Variants in SOX1 observed in about 807,000 individuals in gnomAD.
The protein encoded by SOX1 is SRY-box transcription factor 1.
In SOX1, 1 loss-of-function variant was observed where a neutral mutation model predicts 0.9. The observed-to-expected ratio is 1.07, with a 90% CI of 0.38 to 5.06. SOX1 has a LOEUF of 5.06. Ranked by LOEUF, SOX1 falls within the 30% of genes most tolerant of loss-of-function variation. The pLI, the probability that SOX1 is intolerant of heterozygous loss-of-function variation, is 0.16. For synonymous variants in SOX1, 397 were observed against 265.5 expected, an observed-to-expected ratio of 1.50 and a Z score of -4.81; for missense variants, 564 against 534.4, an observed-to-expected ratio of 1.06 and a Z score of -0.55.
Position 112,068,875 on chromosome 13 carries a change from AG to A in SOX1, c.*42del. The A allele has an allele frequency of 8.4e-7, 1 of 1,194,244 alleles. No individual in the cohort carries two copies. The highest frequency in any genetic ancestry group is 1.0e-6 in the Non-Finnish European group (1 of 954,492). 74.0% of individuals were successfully genotyped at this position (1,194,244 alleles called of 1,614,324 possible). A position where few individuals can be genotyped will look rare whatever the true frequency, so the allele number is the denominator to read the frequency against. ...GGGGACTCTGCGGCGGCGACCCACGAGCTCGCGGCCCGCGCCCGGCTCCCGC... is the reference window on the plus strand; with the variant it reads ...GGGGACTCTGCGGCGGCGACCCACGACTCGCGGCCCGCGCCCGGCTCCCGC... On this transcript the variant is annotated 3_prime_UTR_variant, in exon 1 of 1. Transcript: ENST00000330949. The surrounding 1 kb of genome is among the most constrained non-coding windows in gnomAD (Gnocchi z 6.9).
Position 112,068,802 on chromosome 13 carries a change from G to A in SOX1, c.1144G>A (p.Val382Met), listed in dbSNP as rs1198401132. The change falls in exon 1 of 1, where the codon GTG becomes ATG. Residue 382 changes from valine (V) to methionine (M), a missense_variant. Val to Met is a conservative substitution (Grantham distance 21). Coordinates refer to ENST00000330949, the MANE Select transcript of SOX1 (RefSeq NM_005986.3). This position sits in a 1 kb window ranked among gnomAD's most constrained non-coding sequence, Gnocchi z 6.9. ...GCACTACCAGGGCGCGGGCGCGGGC[G>A]TGAACGGCACGGTGCCCCTGACGCA... ...PQHYQGAGAG[V>M]NGTVPLTHI The A allele has an allele frequency of 8.1e-7, 1 of 1,230,222 alleles. No individual in the cohort carries two copies. 76.2% of individuals were successfully genotyped at this position (1,230,222 alleles called of 1,614,324 possible). A position where few individuals can be genotyped will look rare whatever the true frequency, so the allele number is the denominator to read the frequency against.
At position 112,068,552 on chromosome 13, in the gene SOX1, G is replaced by T. The variant is rs1460251630; in HGVS notation, c.894G>T (p.Ala298=). The change falls in exon 1 of 1, where the codon GCG becomes GCT. Residue 298 remains alanine, a synonymous_variant. Transcript: ENST00000330949. This position sits in a 1 kb window ranked among gnomAD's most constrained non-coding sequence, Gnocchi z 6.9. The part of the protein sequence containing the change: ...AGGAHQNSAV[A]AAAAAAAASS... ...GCGCGCACCAGAACTCGGCCGTGGCGGCGGCGGCGGCGGCGGCGGCCGCGT... is the reference window on the plus strand; with the variant it reads ...GCGCGCACCAGAACTCGGCCGTGGCTGCGGCGGCGGCGGCGGCGGCCGCGT... The T allele has an allele frequency of 2.1e-6, 2 of 970,990 alleles. No homozygotes were observed. Among genetic ancestry groups the T allele is most frequent in the Non-Finnish European group, 2.5e-6 (2 of 815,380 alleles). The allele number at this position is 970,990 out of a possible 1,614,324, so 60.1% of individuals were successfully genotyped here. A position where few individuals can be genotyped will look rare whatever the true frequency, so the allele number is the denominator to read the frequency against.
rs896164603 is a variant in SOX1, at chr13:112,067,760, A to G, written c.102A>G (p.Gly34=). Residue 34 remains glycine (G), a synonymous_variant, in exon 1 of 1, where the codon GGA becomes GGG. Transcript: ENST00000330949. This position sits in a 1 kb window ranked among gnomAD's most constrained non-coding sequence, Gnocchi z 5.1. ...CCGGGGCGGGCGGCGGCGGGGGCGGAGGCGGGGGCGGCGGCGGCGGCGGGG... is the reference window on the plus strand; with the variant it reads ...CCGGGGCGGGCGGCGGCGGGGGCGGGGGCGGGGGCGGCGGCGGCGGCGGGG... The part of the protein sequence containing the change: ...GPAGAGGGGG[G]GGGGGGGGGA... 146 of 1,256,074 alleles carry G rather than the reference A, an allele frequency of 1.2e-4. No homozygotes were observed. Among genetic ancestry groups the G allele is most frequent in the African/African-American group, 1.1e-3 (66 of 62,752 alleles). 77.8% of individuals were successfully genotyped at this position (1,256,074 alleles called of 1,614,324 possible).
chr13:112,069,624 CAG>C lies in SOX1; in HGVS notation c.*793_*794del, dbSNP rs1438442955. The stretch of plus-strand genomic sequence containing the variant: ...GTTTCGAGTCAACAAATTTAAGAGA[CAG>C]AGCCCATTTTCTCCATAAATTTGTA... On this transcript the variant is annotated 3_prime_UTR_variant, in exon 1 of 1. Transcript: ENST00000330949. The C allele has an allele frequency of 1.8e-5, 3 of 167,026 alleles. No individual in the cohort carries two copies. The highest frequency in any genetic ancestry group is 1.5e-5 in the Non-Finnish European group (1 of 68,114). 10.3% of individuals were successfully genotyped at this position (167,026 alleles called of 1,614,324 possible).
At position 112,070,827 on chromosome 13, in the gene SOX1, G is replaced by A. The variant is rs370809646; in HGVS notation, c.*1993G>A. Among the ~76,000 whole-genome samples the A allele has an allele frequency of 6.6e-6, 1 of 152,024 alleles. No individual in the cohort carries two copies. Among genetic ancestry groups the A allele is most frequent in the Admixed American group, 6.5e-5 (1 of 15,272 alleles). ...AGTGATTACAAAAAAGTTCAAGAAT[G>A]ATGTCCACTGCTTTCTAACAAGATA... is the stretch of plus-strand genomic sequence containing the variant. On this transcript the variant is annotated 3_prime_UTR_variant, in exon 1 of 1. Coordinates refer to ENST00000330949, the MANE Select transcript of SOX1 (RefSeq NM_005986.3).
chr13:112,069,187 T>G lies in SOX1; in HGVS notation c.*353T>G. 1 of 169,728 alleles carries G rather than the reference T, an allele frequency of 5.9e-6. No homozygotes were observed. The highest frequency in any genetic ancestry group is 1.4e-5 in the Non-Finnish European group (1 of 69,878). 10.5% of individuals were successfully genotyped at this position (169,728 alleles called of 1,614,324 possible). A position where few individuals can be genotyped will look rare whatever the true frequency, so the allele number is the denominator to read the frequency against. On this transcript the variant is annotated 3_prime_UTR_variant, in exon 1 of 1. Transcript: ENST00000330949. Reference sequence around the variant, plus strand: ...GCGAGAGGCGAAGCCCACTTTTGTATACCGGCCGGCGCGCTCACTTTCCTC... The same window carrying G: ...GCGAGAGGCGAAGCCCACTTTTGTAGACCGGCCGGCGCGCTCACTTTCCTC...
Position 112,068,803 on chromosome 13 carries a change from T to C in SOX1, c.1145T>C (p.Val382Ala), listed in dbSNP as rs759559042. 1.0e-4 allele frequency: 127 copies of C among 1,229,844 alleles called. No individual in the cohort carries two copies. The highest frequency in any genetic ancestry group is 1.1e-4 in the Non-Finnish European group (113 of 983,406). 76.2% of individuals were successfully genotyped at this position (1,229,844 alleles called of 1,614,324 possible). A position where few individuals can be genotyped will look rare whatever the true frequency, so the allele number is the denominator to read the frequency against. Residue 382 changes from valine to alanine, a missense_variant, in exon 1 of 1, where the codon GTG becomes GCG. Val to Ala is a moderately conservative substitution (Grantham distance 64). Coordinates refer to ENST00000330949, the MANE Select transcript of SOX1 (RefSeq NM_005986.3). The surrounding 1 kb of genome is among the most constrained non-coding windows in gnomAD (Gnocchi z 6.9). ...CACTACCAGGGCGCGGGCGCGGGCG[T>C]GAACGGCACGGTGCCCCTGACGCAC... ...PQHYQGAGAG[V>A]NGTVPLTHI
chr13:112,070,421 T>G lies in SOX1; in HGVS notation c.*1587T>G. The G allele has an allele frequency of 6.0e-6, 1 of 166,868 alleles. No individual in the cohort carries two copies. 10.3% of individuals were successfully genotyped at this position (166,868 alleles called of 1,614,324 possible). On this transcript the variant is annotated 3_prime_UTR_variant, in exon 1 of 1. Transcript: ENST00000330949. ...GTACATTGCAGTTTTTTTTTTGAAA[T>G]TTAAAAATTTCTGTAAAACTTTGTC...
Position 112,068,396 on chromosome 13 carries a change from G to T in SOX1, c.738G>T (p.Met246Ile). ...CGCACCCGCACAACCCGCAGCCCATGCACCGCTACGACATGGGCGCGCTGC... is the reference window on the plus strand; with the variant it reads ...CGCACCCGCACAACCCGCAGCCCATTCACCGCTACGACATGGGCGCGCTGC... ...PHAHPHNPQPMHRYDMGALQY... is the reference protein window; with the variant it reads ...PHAHPHNPQPIHRYDMGALQY... The change falls in exon 1 of 1, where the codon ATG becomes ATT. Residue 246 changes from methionine to isoleucine, a missense_variant. Met to Ile is a conservative substitution (Grantham distance 10, BLOSUM62 1). Coordinates refer to ENST00000330949, the MANE Select transcript of SOX1 (RefSeq NM_005986.3). This position sits in a 1 kb window ranked among gnomAD's most constrained non-coding sequence, Gnocchi z 6.9. 7.7e-7 allele frequency: 1 copy of T among 1,302,566 alleles called. No individual in the cohort carries two copies. The highest frequency in any genetic ancestry group is 9.9e-7 in the Non-Finnish European group (1 of 1,006,362). 80.7% of individuals were successfully genotyped at this position (1,302,566 alleles called of 1,614,324 possible). A position where few individuals can be genotyped will look rare whatever the true frequency, so the allele number is the denominator to read the frequency against.
Position 112,068,342 on chromosome 13 carries a change from CG to C in SOX1, c.685del (p.Ala229ArgfsTer38). On this transcript the variant is annotated frameshift_variant, in exon 1 of 1. Transcript: ENST00000330949. LOFTEE classifies it low-confidence loss of function (END_TRUNC). This position sits in a 1 kb window ranked among gnomAD's most constrained non-coding sequence, Gnocchi z 6.9. ...AGGAHPHAHP[A>X]HPHPHHPHAH... ...GCGGCGCGCACCCGCACGCGCACCC[CG>C]CGCACCCGCACCCGCACCACCCGCA... The C allele has an allele frequency of 8.2e-7, 1 of 1,220,848 alleles. No individual in the cohort carries two copies. Among genetic ancestry groups the C allele is most frequent in the Non-Finnish European group, 1.0e-6 (1 of 961,634 alleles). 75.6% of individuals were successfully genotyped at this position (1,220,848 alleles called of 1,614,324 possible).
chr13:112,068,818 C>A lies in SOX1; in HGVS notation c.1160C>A (p.Pro387His). Residue 387 changes from proline (P) to histidine (H), a missense_variant, in exon 1 of 1, where the codon CCC (proline) becomes CAC (histidine). Physicochemically the swap from Pro to His is moderately conservative, Grantham distance 77. Coordinates refer to ENST00000330949, the MANE Select transcript of SOX1 (RefSeq NM_005986.3). This position sits in a 1 kb window ranked among gnomAD's most constrained non-coding sequence, Gnocchi z 6.9. ...GGCGCGGGCGTGAACGGCACGGTGCCCCTGACGCACATCTAGCGCCTTCGG... is the reference window on the plus strand; with the variant it reads ...GGCGCGGGCGTGAACGGCACGGTGCACCTGACGCACATCTAGCGCCTTCGG... ...GAGAGVNGTVPLTHI is the reference protein window; with the variant it reads ...GAGAGVNGTVHLTHI 3.3e-6 allele frequency: 4 copies of A among 1,227,942 alleles called. No homozygotes were observed. Among genetic ancestry groups the A allele is most frequent in the Non-Finnish European group, 4.1e-6 (4 of 980,454 alleles). The allele number at this position is 1,227,942 out of a possible 1,614,324, so 76.1% of individuals were successfully genotyped here. A position where few individuals can be genotyped will look rare whatever the true frequency, so the allele number is the denominator to read the frequency against.
In SOX1 at chr13:112,067,756, G is replaced by C. The variant is rs747418130; in HGVS notation, c.98G>C (p.Gly33Ala). The change falls in exon 1 of 1, where the codon GGC becomes GCC. Residue 33 changes from glycine (G) to alanine (A), a missense_variant. Gly to Ala is a moderately conservative substitution (Grantham distance 60). Coordinates refer to ENST00000330949, the MANE Select transcript of SOX1 (RefSeq NM_005986.3). The surrounding 1 kb of genome is among the most constrained non-coding windows in gnomAD (Gnocchi z 5.1). The stretch of plus-strand genomic sequence containing the variant: ...CCCGCCGGGGCGGGCGGCGGCGGGG[G>C]CGGAGGCGGGGGCGGCGGCGGCGGC... ...SGPAGAGGGG[G>A]GGGGGGGGGG... The C allele has an allele frequency of 2.4e-6, 3 of 1,243,882 alleles. No individual in the cohort carries two copies. The Admixed American group carries it at 1.3e-4, about 53-fold the overall frequency. 77.1% of individuals were successfully genotyped at this position (1,243,882 alleles called of 1,614,324 possible). A position where few individuals can be genotyped will look rare whatever the true frequency, so the allele number is the denominator to read the frequency against.
In SOX1 at chr13:112,067,630, C is replaced by T. The variant is rs761294176; in HGVS notation, c.-29C>T. 10 of 1,260,774 alleles carry T rather than the reference C, an allele frequency of 7.9e-6. No individual in the cohort carries two copies. The highest frequency in any genetic ancestry group is 4.6e-5 in the African/African-American group (3 of 64,576). 78.1% of individuals were successfully genotyped at this position (1,260,774 alleles called of 1,614,324 possible). A position where few individuals can be genotyped will look rare whatever the true frequency, so the allele number is the denominator to read the frequency against. The stretch of plus-strand genomic sequence containing the variant: ...GTCTATGCTCCAGGCCCTCTCCTCG[C>T]GGTGCCGGTGAACCCGCCAGCCGCC... On this transcript the variant is annotated 5_prime_UTR_variant, in exon 1 of 1. Transcript: ENST00000330949. This position sits in a 1 kb window ranked among gnomAD's most constrained non-coding sequence, Gnocchi z 5.1.
chr13:112,068,944 T>A lies in SOX1; in HGVS notation c.*110T>A, dbSNP rs1384137258. ...TGGCTTTTGTACAGACGTTCCCACA[T>A]TCTTGTCAAAAGGAAAATACTGGAG... On this transcript the variant is annotated 3_prime_UTR_variant, in exon 1 of 1. Transcript: ENST00000330949. The surrounding 1 kb of genome is among the most constrained non-coding windows in gnomAD (Gnocchi z 6.9). 9 of 853,252 alleles carry A rather than the reference T, an allele frequency of 1.1e-5. No homozygotes were observed. The highest frequency in any genetic ancestry group is 1.4e-5 in the Non-Finnish European group (9 of 654,934). The allele number at this position is 853,252 out of a possible 1,614,324, so 52.9% of individuals were successfully genotyped here.
In SOX1 at chr13:112,067,706, C is replaced by G; in HGVS notation, c.48C>G (p.Ala16=). 7.8e-7 allele frequency: 1 copy of G among 1,280,610 alleles called. No homozygotes were observed. The allele number at this position is 1,280,610 out of a possible 1,614,324, so 79.3% of individuals were successfully genotyped here. The change falls in exon 1 of 1, where the codon GCC becomes GCG. Residue 16 remains alanine (A), a synonymous_variant. Coordinates refer to ENST00000330949, the MANE Select transcript of SOX1 (RefSeq NM_005986.3). The surrounding 1 kb of genome is among the most constrained non-coding windows in gnomAD (Gnocchi z 5.1). ...CCGACCTGCACTCGCCCGGCGGCGC[C>G]CAGGCCCCCACGAACCTCTCGGGCC... ...METDLHSPGG[A]QAPTNLSGPA...
chr13:112,067,537 C>T lies in SOX1; in HGVS notation c.-122C>T, dbSNP rs1262324221. 7.3e-6 allele frequency: 3 copies of T among 409,482 alleles called. No individual in the cohort carries two copies. The highest frequency in any genetic ancestry group is 1.1e-5 in the Non-Finnish European group (3 of 284,826). The allele number at this position is 409,482 out of a possible 1,614,324, so 25.4% of individuals were successfully genotyped here. ...CCTCCACCCCTCCCCATTCTTCTCT[C>T]CGCTAGGACCCCCCCGCCCCCGTCT... On this transcript the variant is annotated 5_prime_UTR_variant, in exon 1 of 1. Transcript: ENST00000330949. This position sits in a 1 kb window ranked among gnomAD's most constrained non-coding sequence, Gnocchi z 5.1.
At position 112,071,435 on chromosome 13, in the gene SOX1, T is replaced by C. The variant is rs1043192414; in HGVS notation, c.*2601T>C. 5.9e-4 allele frequency among the ~76,000 whole-genome samples: 90 copies of C among 152,344 alleles called. No homozygotes were observed. The highest frequency in any genetic ancestry group is 2.1e-3 in the African/African-American group (89 of 41,582). The stretch of plus-strand genomic sequence containing the variant: ...CAACACAGAAAAAAGCAAATATAAA[T>C]TTTTAATGACTCCATTTAAAAATAT... On this transcript the variant is annotated 3_prime_UTR_variant, in exon 1 of 1. Coordinates refer to ENST00000330949, the MANE Select transcript of SOX1 (RefSeq NM_005986.3).
rs1166376735 is a variant in SOX1 at position 112,068,812 on chromosome 13, C to T, written c.1154C>T (p.Thr385Met). 8.2e-7 allele frequency: 1 copy of T among 1,216,586 alleles called. No homozygotes were observed. Among genetic ancestry groups the T allele is most frequent in the Admixed American group, 4.3e-5 (1 of 23,208 alleles). The allele number at this position is 1,216,586 out of a possible 1,614,324, so 75.4% of individuals were successfully genotyped here. Residue 385 changes from threonine to methionine, a missense_variant, in exon 1 of 1, where the codon ACG becomes ATG. Transcript: ENST00000330949. This position sits in a 1 kb window ranked among gnomAD's most constrained non-coding sequence, Gnocchi z 6.9. Reference protein sequence around the residue: ...YQGAGAGVNGTVPLTHI With the variant: ...YQGAGAGVNGMVPLTHI Reference sequence around the variant, plus strand: ...GGCGCGGGCGCGGGCGTGAACGGCACGGTGCCCCTGACGCACATCTAGCGC... The same window carrying T: ...GGCGCGGGCGCGGGCGTGAACGGCATGGTGCCCCTGACGCACATCTAGCGC...
In SOX1 at chr13:112,068,356, C is replaced by T; in HGVS notation, c.698C>T (p.Pro233Leu). ...CACGCGCACCCCGCGCACCCGCACC[C>T]GCACCACCCGCACGCGCACCCGCAC... ...HPHAHPAHPH[P>L]HHPHAHPHNP... Residue 233 changes from proline to leucine, a missense_variant, in exon 1 of 1, where the codon CCG becomes CTG. Physicochemically the swap from Pro to Leu is moderately conservative, Grantham distance 98. Coordinates refer to ENST00000330949, the MANE Select transcript of SOX1 (RefSeq NM_005986.3). The surrounding 1 kb of genome is among the most constrained non-coding windows in gnomAD (Gnocchi z 6.9). 1.8e-5 allele frequency: 23 copies of T among 1,259,302 alleles called. No individual in the cohort carries two copies. Among genetic ancestry groups the T allele is most frequent in the Non-Finnish European group, 2.3e-5 (23 of 981,452 alleles). 78.0% of individuals were successfully genotyped at this position (1,259,302 alleles called of 1,614,324 possible).
Sources: allele counts gnomAD v4.1 joint callset (sites outside exome capture counted in the v4.1 genomes callset), GRCh38; gene constraint gnomAD v4.1.1; non-coding constraint Gnocchi (gnomAD v3.1); transcripts MANE v1.5; gene names NCBI Gene and HGNC (gene_info 2026-07-23, HGNC 2026-07-21).